Variants in OGDH observed in about 807,000 individuals in gnomAD.
The protein encoded by OGDH is oxoglutarate dehydrogenase.
A neutral mutation model predicts 116.6 loss-of-function variants in OGDH; 38 were observed. The observed-to-expected ratio is 0.33, with a 90% CI of 0.25 to 0.43. The LOEUF (loss-of-function observed/expected upper bound fraction) is 0.43. Among genes scored for constraint, OGDH ranks in the 20% least tolerant of loss-of-function variants. OGDH has a pLI of 1.00. For missense variants in OGDH, 825 were observed against 1,357.2 expected, an observed-to-expected ratio of 0.61 and a Z score of 6.16; for synonymous variants, 488 against 533.3, an observed-to-expected ratio of 0.92 and a Z score of 1.17.
At chr7:44,703,839 C>T (rs370361219) in intron 20 of OGDH, among the ~76,000 whole-genome samples, 4 of 151,684 alleles carry the variant, frequency 2.6e-5, no homozygotes, top group African/African-American at 9.7e-5. Flanking sequence ...GAGCCAAGAT[C>T]ACGCCGTTGC....
chr7:44,689,392 CTTTTTTTTTTTTTTTTT>C (rs561058807), intron 10 of OGDH, among the ~76,000 whole-genome samples: 1 of 71,220 alleles, frequency 1.4e-5, no homozygotes, highest in African/African-American at 5.9e-5. Context: ...ATTTTTTTTT[CTTTTTTTTTTTTTTTTT>C]TTTTTTTTTG....
chr7:44,700,679 T>C (rs1311120461), intron 19 of OGDH, among the ~76,000 whole-genome samples: 1 of 150,612 alleles, frequency 6.6e-6, no homozygotes, highest in Non-Finnish European at 1.5e-5. Flanking sequence ...GAAGGGTGAG[T>C]AGAAGTTGAG....
Position 44,676,303 on chromosome 7 carries a change from C to T in OGDH, c.1206+154C>T, listed in dbSNP as rs1787691106. The T allele has an allele frequency of 3.3e-6, 5 of 1,506,372 alleles. No homozygotes were observed. In the East Asian group the frequency reaches 1.2e-4, roughly 37 times the overall value. The allele number at this position is 1,506,372 out of a possible 1,614,324, so 93.3% of individuals were successfully genotyped here. On this transcript the variant is annotated intron_variant, in intron 9 of 22. Coordinates refer to ENST00000222673, the MANE Select transcript of OGDH (RefSeq NM_002541.4). ...GGGCGCAGTGTCTCACGCCTGTAAT[C>T]CCAGCACTTTGGGAGGCCGAGGTGG...
chr7:44,661,518 AT>A (rs1786941363), intron 4 of OGDH, among the ~76,000 whole-genome samples: 1 of 151,870 alleles, frequency 6.6e-6, no homozygotes, highest in African/African-American at 2.4e-5. Flanking sequence ...TCTGCTTTTC[AT>A]TGCTTTGCTT....
At chr7:44,669,776 G>A (rs1020628352) in intron 5 of OGDH, among the ~76,000 whole-genome samples, 1 of 152,226 alleles carries the variant, frequency 6.6e-6, no homozygotes, top group Admixed American at 6.5e-5. Flanking sequence ...GGCTGTATGC[G>A]CTCCTGGCCC....
intron 2 of OGDH, among the ~76,000 whole-genome samples, chr7:44,641,392 ATT>A (rs1289587068): frequency 6.6e-6 from 1 of 150,494 alleles, no homozygotes; most frequent in Non-Finnish European, 1.5e-5. Flanking sequence ...CACCCAGCTA[ATT>A]TTTGTATTTT....
intron 10 of OGDH, among the ~76,000 whole-genome samples, chr7:44,688,430 A>AC (rs1291541992): frequency 1.2e-5 from 1 of 81,844 alleles, no homozygotes; most frequent in Non-Finnish European, 2.2e-5. Flanking sequence ...GTTTATATAT[A>AC]CTTTTTTTTT....
At chr7:44,648,521 A>G (rs1455726999) in intron 4 of OGDH, among the ~76,000 whole-genome samples, 1 of 152,190 alleles carries the variant, frequency 6.6e-6, no homozygotes, top group Non-Finnish European at 1.5e-5. Context: ...ACTAATTTTT[A>G]AATGGCCAGG....
chr7:44,657,719 C>A (rs1171576683), intron 4 of OGDH, among the ~76,000 whole-genome samples: 2 of 152,140 alleles, frequency 1.3e-5, no homozygotes, highest in East Asian at 3.8e-4. Context: ...CCTAGATCCC[C>A]AAAATGTTCT....
intron 1 of OGDH, among the ~76,000 whole-genome samples, chr7:44,615,335 G>A (rs964168859): frequency 2.6e-5 from 4 of 152,176 alleles, no homozygotes; most frequent in African/African-American, 9.7e-5. Context: ...ATGACTGTAA[G>A]AGTTCCCCAT....
At chr7:44,606,946 GGCGGTGGGCGA>G (rs1317718841) in intron 1 of OGDH, among the ~76,000 whole-genome samples, 1 of 152,110 alleles carries the variant, frequency 6.6e-6, no homozygotes, top group Non-Finnish European at 1.5e-5. Flanking sequence ...ACGCGCCATT[GGCGGTGGGCGA>G]GCGGGGGGCG....
At chr7:44,607,633 T>C (rs1784406061) in intron 1 of OGDH, among the ~76,000 whole-genome samples, 1 of 151,722 alleles carries the variant, frequency 6.6e-6, no homozygotes, top group Non-Finnish European at 1.5e-5. Flanking sequence ...TGTAACACTA[T>C]TGTAGTTTTG....
At chr7:44,633,219 C>G (rs1195280952) in intron 2 of OGDH, among the ~76,000 whole-genome samples, 9 of 143,476 alleles carry the variant, frequency 6.3e-5, no homozygotes, top group Middle Eastern at 7.2e-3. Flanking sequence ...AGCCACTGCA[C>G]TCTAGCCTGG....
chr7:44,675,368 TC>T (rs1787647655), intron 8 of OGDH, 100 bp downstream of exon 8: 1 of 969,254 alleles, frequency 1.0e-6, no homozygotes, highest in South Asian at 1.4e-5. Context: ...GGTTGGTTCT[TC>T]TGTACCATTT....
At chr7:44,701,641 C>G in intron 20 of OGDH, 26 bp downstream of exon 20, 1 of 1,604,596 alleles carries the variant, frequency 6.2e-7, no homozygotes, top group Non-Finnish European at 8.5e-7. Flanking sequence ...ATGGGCATTT[C>G]CTTGGGGGAA....
chr7:44,640,117 C>T (rs1785862305), intron 2 of OGDH, among the ~76,000 whole-genome samples: 1 of 152,170 alleles, frequency 6.6e-6, no homozygotes, highest in Non-Finnish European at 1.5e-5. Context: ...TTGACCCTGA[C>T]CTTGTGATCC....
chr7:44,613,123 G>A (rs1370630018), intron 1 of OGDH, among the ~76,000 whole-genome samples: 2 of 151,578 alleles, frequency 1.3e-5, no homozygotes, highest in East Asian at 1.9e-4. Context: ...TGATCCACTT[G>A]CCTCTGCCTC....
chr7:44,613,837 G>C (rs1264884024), intron 1 of OGDH, among the ~76,000 whole-genome samples: 1 of 82,348 alleles, frequency 1.2e-5, no homozygotes, highest in Non-Finnish European at 2.3e-5. Flanking sequence ...ATGGCATTTT[G>C]CTGTTGTTGC....
At chr7:44,654,748 TTGAC>T (rs1488218853) in intron 4 of OGDH, among the ~76,000 whole-genome samples, 3 of 152,268 alleles carry the variant, frequency 2.0e-5, no homozygotes, top group South Asian at 2.1e-4. Context: ...AGAAGATTCT[TTGAC>T]TGGAGATACC....
Sources: gnomAD v4.1 joint callset for allele counts (sites outside exome capture counted in the v4.1 genomes callset) on GRCh38, gnomAD v4.1.1 for gene constraint, MANE v1.5 for transcripts, NCBI Gene and HGNC (gene_info 2026-07-23, HGNC 2026-07-21) for gene names.